Variants in LMO3 observed in about 807,000 individuals in gnomAD.
The protein encoded by LMO3 is LIM domain only protein 3.
A neutral mutation model predicts 15.8 loss-of-function variants in LMO3; 2 were observed. The observed-to-expected ratio is 0.13, with a 90% CI of 0.05 to 0.40. The LOEUF (loss-of-function observed/expected upper bound fraction) is 0.40. Ranked by LOEUF, LMO3 falls within the 10% of genes least tolerant of loss-of-function variation. The probability of loss-of-function intolerance (pLI) is 0.99; values close to 1 mark genes in which losing one functional copy is unlikely to be tolerated. For synonymous variants in LMO3, 62 were observed against 63.8 expected (o/e 0.97, Z 0.13); for missense variants, 86 against 182.2 (o/e 0.47, Z 3.04).
At chr12:16,601,645 GAAAGA>G (rs1400324346) in intron 1 of LMO3, among the ~76,000 whole-genome samples, 1 of 151,462 alleles carries the variant, frequency 6.6e-6, no homozygotes, top group African/African-American at 2.4e-5. Flanking sequence ...TTTTATAAAG[GAAAGA>G]AAAAACAATA....
chr12:16,574,206 C>A (rs1320040711), intron 2 of LMO3, among the ~76,000 whole-genome samples: 1 of 152,008 alleles, frequency 6.6e-6, no homozygotes, highest in East Asian at 1.9e-4. Context: ...TATTACATAT[C>A]TCGATCACAT....
chr12:16,596,894 TAA>T lies in LMO3; in HGVS notation c.206+3759_206+3760del, dbSNP rs1943676740. 6.6e-6 allele frequency among the ~76,000 whole-genome samples: 1 copy of T among 151,776 alleles called. No individual in the cohort carries two copies. The highest frequency in any genetic ancestry group is 2.1e-4 in the South Asian group (1 of 4,834). On this transcript the variant is annotated intron_variant, in intron 2 of 3. Transcript: ENST00000537304. This position sits in a 1 kb window ranked among gnomAD's most constrained non-coding sequence, Gnocchi z 4.3. ...AGATGTTTCTATATCTAATTTGTCA[TAA>T]GTTACTCTTCAAAAAAATAAAAATA...
chr12:16,589,400 T>C lies in LMO3; in HGVS notation c.206+11255A>G, dbSNP rs2137604713. 6.6e-6 allele frequency: 1 copy of C among 152,234 alleles called. No individual in the cohort carries two copies. The highest frequency in any genetic ancestry group is 1.9e-4 in the East Asian group (1 of 5,170). 9.4% of individuals were successfully genotyped at this position (152,234 alleles called of 1,614,324 possible). A position where few individuals can be genotyped will look rare whatever the true frequency, so the allele number is the denominator to read the frequency against. ...TGAGTGCAGTATAAGCTTGTGGCTT[T>C]ACTTTTACTTGTGACTTCACAGTAA... On this transcript the variant is annotated intron_variant, in intron 2 of 3. Coordinates refer to ENST00000537304, the MANE Select transcript of LMO3 (RefSeq NM_018640.5). The surrounding 1 kb of genome is among the most constrained non-coding windows in gnomAD (Gnocchi z 4.2).
chr12:16,605,138 G>A, intron 1 of LMO3: 1 of 1,402,160 alleles, frequency 7.1e-7, no homozygotes, highest in East Asian at 2.6e-5. Flanking sequence ...TGTGCAAAAT[G>A]ATGGCGAATG....
intron 2 of LMO3, among the ~76,000 whole-genome samples, chr12:16,567,233 T>G (rs1225638199): frequency 6.6e-6 from 1 of 151,844 alleles, no homozygotes; most frequent in African/African-American, 2.4e-5. Flanking sequence ...AACAAAAAAC[T>G]ACAACTTGGT....
In LMO3 at chr12:16,578,818, A is replaced by AAACAACAAC. The variant is rs201327858; in HGVS notation, c.207-18289_207-18281dup. On this transcript the variant is annotated intron_variant, in intron 2 of 3. Coordinates refer to ENST00000537304, the MANE Select transcript of LMO3 (RefSeq NM_018640.5). Reference sequence around the variant, plus strand: ...GGGAGACAGAGCGAGATTCTGTCTCAAACAACAACAACAACAACAACAACA... The same window carrying AAACAACAAC: ...GGGAGACAGAGCGAGATTCTGTCTCAAACAACAACAACAACAACAACAACAACAACAACA... 3.7e-3 allele frequency among the ~76,000 whole-genome samples: 527 copies of AAACAACAAC among 141,134 alleles called. 6 individuals carry two copies. Among genetic ancestry groups the AAACAACAAC allele is most frequent in the East Asian group, 0.023 (114 of 4,994 alleles). 92.6% of individuals were successfully genotyped at this position (141,134 alleles called of 152,430 possible).
Position 16,560,655 on chromosome 12 carries a change from A to C in LMO3, c.207-117T>G. 1.1e-6 allele frequency: 1 copy of C among 893,252 alleles called. No individual in the cohort carries two copies. The highest frequency in any genetic ancestry group is 1.7e-5 in the South Asian group (1 of 58,006). The allele number at this position is 893,252 out of a possible 1,614,324, so 55.3% of individuals were successfully genotyped here. A position where few individuals can be genotyped will look rare whatever the true frequency, so the allele number is the denominator to read the frequency against. On this transcript the variant is annotated intron_variant, in intron 2 of 3. Coordinates refer to ENST00000537304, the MANE Select transcript of LMO3 (RefSeq NM_018640.5). The surrounding 1 kb of genome is among the most constrained non-coding windows in gnomAD (Gnocchi z 5.0). The stretch of plus-strand genomic sequence containing the variant: ...TACAATACACAATGCTTTATGATGT[A>C]CACAAGTGGATTTTATCCTAGGTGT...
chr12:16,596,266 G>A lies in LMO3; in HGVS notation c.206+4389C>T, dbSNP rs1050588200. 4.0e-5 allele frequency among the ~76,000 whole-genome samples: 6 copies of A among 151,446 alleles called. No homozygotes were observed. The highest frequency in any genetic ancestry group is 1.5e-4 in the African/African-American group (6 of 41,362). On this transcript the variant is annotated intron_variant, in intron 2 of 3. Coordinates refer to ENST00000537304, the MANE Select transcript of LMO3 (RefSeq NM_018640.5). This position sits in a 1 kb window ranked among gnomAD's most constrained non-coding sequence, Gnocchi z 4.3. ...ATTTTAGTTAATTAGCAACTATGGT[G>A]AAGCATGAAGCATCACTCTTTCCCA...
intron 2 of LMO3, among the ~76,000 whole-genome samples, chr12:16,564,967 A>T (rs1206484737): frequency 2.0e-5 from 3 of 152,000 alleles, no homozygotes; most frequent in East Asian, 1.9e-4. Context: ...TAAAAAAAAA[A>T]TTTGTAGAGA....
At position 16,559,891 on chromosome 12, in the gene LMO3, G is replaced by T. The variant is rs1335225705; in HGVS notation, c.332+522C>A. Among the ~76,000 whole-genome samples the T allele has an allele frequency of 6.6e-6, 1 of 152,012 alleles. No homozygotes were observed. Among genetic ancestry groups the T allele is most frequent in the Non-Finnish European group, 1.5e-5 (1 of 68,028 alleles). ...GCAGGAGGATTGCTTGAGCACAGAA[G>T]TTGAGGCTGCATGAGCCATGTTAGT... On this transcript the variant is annotated intron_variant, in intron 3 of 3. Coordinates refer to ENST00000537304, the MANE Select transcript of LMO3 (RefSeq NM_018640.5). The surrounding 1 kb of genome is among the most constrained non-coding windows in gnomAD (Gnocchi z 4.1).
At position 16,548,659 on chromosome 12, in the gene LMO3, C is replaced by G. The variant is rs927101342; in HGVS notation, c.*2563G>C. On this transcript the variant is annotated 3_prime_UTR_variant, in exon 4 of 4. Coordinates refer to ENST00000537304, the MANE Select transcript of LMO3 (RefSeq NM_018640.5). This position sits in a 1 kb window ranked among gnomAD's most constrained non-coding sequence, Gnocchi z 4.2. ...TAAATGACGTTAGGGCTACACAACA[C>G]AAAGGGGAAAGTTGACAACAATTCA... 5.9e-5 allele frequency: 9 copies of G among 152,092 alleles called. No individual in the cohort carries two copies. Among genetic ancestry groups the G allele is most frequent in the Admixed American group, 5.2e-4 (8 of 15,256 alleles). The allele number at this position is 152,092 out of a possible 1,614,324, so 9.4% of individuals were successfully genotyped here.
intron 2 of LMO3, chr12:16,573,518 A>G (rs1041374794): frequency 6.6e-6 from 1 of 152,192 alleles, no homozygotes; most frequent in Non-Finnish European, 1.5e-5. Flanking sequence ...CAGCCTGTCA[A>G]AAAAACCTGT....
chr12:16,603,005 A>AT lies in LMO3; in HGVS notation c.-8-2138dup, dbSNP rs397697589. 6.6e-6 allele frequency among the ~76,000 whole-genome samples: 1 copy of AT among 151,936 alleles called. No individual in the cohort carries two copies. Among genetic ancestry groups the AT allele is most frequent in the African/African-American group, 2.4e-5 (1 of 41,408 alleles). ...AGATGAAAAATCGAAAAAAAAAAAA[A>AT]TCCCAGTAGCAGCTAAGTTATATTT... is the stretch of plus-strand genomic sequence containing the variant. On this transcript the variant is annotated intron_variant, in intron 1 of 3. Transcript: ENST00000537304. The surrounding 1 kb of genome is among the most constrained non-coding windows in gnomAD (Gnocchi z 4.9).
Position 16,605,435 on chromosome 12 carries a change from T to TTCCCCCCCCC in LMO3, c.-9+630_-9+631insGGGGGGGGGA. The stretch of plus-strand genomic sequence containing the variant: ...CTAGCCACTTCTGCCCCTACCCGCC[T>TTCCCCCCCCC]GCCCCCCCCCCCCGCCCCCATGCCC... On this transcript the variant is annotated intron_variant, in intron 1 of 3. Transcript: ENST00000537304. 7.8e-6 allele frequency: 3 copies of TTCCCCCCCCC among 382,354 alleles called. 1 individual carries two copies. The South Asian group carries it at 3.5e-4, about 45-fold the overall frequency. The allele number at this position is 382,354 out of a possible 1,614,324, so 23.7% of individuals were successfully genotyped here. A position where few individuals can be genotyped will look rare whatever the true frequency, so the allele number is the denominator to read the frequency against.
chr12:16,602,120 C>T (rs1943841127), intron 1 of LMO3: 1 of 152,232 alleles, frequency 6.6e-6, no homozygotes, highest in Middle Eastern at 3.2e-3. Flanking sequence ...CCTTCTGCTG[C>T]ATTATGTTTG....
intron 2 of LMO3, among the ~76,000 whole-genome samples, chr12:16,583,678 T>C (rs1214576338): frequency 6.6e-6 from 1 of 152,230 alleles, no homozygotes; most frequent in Non-Finnish European, 1.5e-5. Context: ...TGTTATTTGC[T>C]TGTTTCTAGC....
In LMO3 at chr12:16,559,091, C is replaced by G. The variant is rs1166187852; in HGVS notation, c.332+1322G>C. Among the ~76,000 whole-genome samples the G allele has an allele frequency of 1.3e-5, 2 of 152,110 alleles. No homozygotes were observed. The highest frequency in any genetic ancestry group is 4.8e-5 in the African/African-American group (2 of 41,428). On this transcript the variant is annotated intron_variant, in intron 3 of 3. Transcript: ENST00000537304. The surrounding 1 kb of genome is among the most constrained non-coding windows in gnomAD (Gnocchi z 4.1). ...AAGAAGATTCTGCATCAAATAGTAC[C>G]TTTCAGAGTAAATTACAATAACTGA... is the stretch of plus-strand genomic sequence containing the variant.
At chr12:16,607,164 T>TTCC (rs1391031193), upstream of LMO3, 2 of 78,944 alleles carry the variant, frequency 2.5e-5, no homozygotes, top group Admixed American at 1.9e-4. Context: ...CACACTCTCC[T>TTCC]TCCTCCCTTC....
At chr12:16,564,207 G>C (rs951567099) in intron 2 of LMO3, among the ~76,000 whole-genome samples, 1 of 152,062 alleles carries the variant, frequency 6.6e-6, no homozygotes, top group Non-Finnish European at 1.5e-5. Context: ...TTTCTTAGGG[G>C]TAAGAACACG....
Sources: gnomAD v4.1 joint callset for allele counts (sites outside exome capture counted in the v4.1 genomes callset) on GRCh38, gnomAD v4.1.1 for gene constraint, Gnocchi (gnomAD v3.1) non-coding constraint, MANE v1.5 for transcripts, NCBI Gene and HGNC (gene_info 2026-07-23, HGNC 2026-07-21) for gene names.